RIN2: variants seen among roughly 807,000 people sequenced by gnomAD.
RIN2 encodes RAB5 interacting protein 2.
A neutral mutation model predicts 78.0 loss-of-function variants in RIN2; 36 were observed. That is an observed-to-expected ratio of 0.46 (90% CI 0.35 to 0.61). The LOEUF (loss-of-function observed/expected upper bound fraction) is 0.61. Ranked by LOEUF, RIN2 falls within the 20% of genes least tolerant of loss-of-function variation. The pLI, the probability that RIN2 is intolerant of heterozygous loss-of-function variation, is 0.00. For synonymous variants in RIN2, 466 were observed against 466.8 expected, an observed-to-expected ratio of 1.00 and a Z score of 0.02; for missense variants, 1,087 against 1,159.7, an observed-to-expected ratio of 0.94 and a Z score of 0.91.
At chr20:19,836,669 G>T (rs925280094) in intron 2 of RIN2, among the ~76,000 whole-genome samples, 1 of 151,468 alleles carries the variant, frequency 6.6e-6, no homozygotes, top group Admixed American at 6.6e-5. Context: ...AATTTTGAAC[G>T]GCTCTTATGT....
At chr20:19,836,109 G>A (rs1171817721) in intron 2 of RIN2, among the ~76,000 whole-genome samples, 2 of 152,180 alleles carry the variant, frequency 1.3e-5, no homozygotes, top group African/African-American at 4.8e-5. Flanking sequence ...CAGAGCAGTG[G>A]TCTGAGCTCA....
In RIN2 at chr20:19,965,073, G is replaced by T. The variant is rs544585908; in HGVS notation, c.536+49G>T. 2.5e-5 allele frequency: 37 copies of T among 1,473,102 alleles called. No individual in the cohort carries two copies. In the African/African-American group the frequency reaches 4.3e-4, roughly 17 times the overall value. 91.3% of individuals were successfully genotyped at this position (1,473,102 alleles called of 1,614,324 possible). On this transcript the variant is annotated intron_variant, in intron 7 of 12. Transcript: ENST00000255006. The stretch of plus-strand genomic sequence containing the variant: ...GTTTCAAGGCCCTGTTTGGTGTGTG[G>T]GATATAATTAACCTGAGGTTTCTTG...
intron 1 of RIN2, among the ~76,000 whole-genome samples, chr20:19,795,700 A>G (rs1468563769): frequency 6.6e-6 from 1 of 152,184 alleles, no homozygotes; most frequent in Non-Finnish European, 1.5e-5. Context: ...TTAGAGTGCC[A>G]TTGTGTCAAA....
At chr20:19,841,718 C>T (rs1229732526) in intron 2 of RIN2, among the ~76,000 whole-genome samples, 1 of 152,160 alleles carries the variant, frequency 6.6e-6, no homozygotes, top group Non-Finnish European at 1.5e-5. Flanking sequence ...GCCCTTGTAC[C>T]TACTCTGTGC....
intron 3 of RIN2, among the ~76,000 whole-genome samples, chr20:19,913,544 A>G (rs749464747): frequency 6.6e-6 from 1 of 152,220 alleles, no homozygotes; most frequent in Admixed American, 6.5e-5. Context: ...AACTCCTTTC[A>G]TCTTGCAGAA....
At chr20:19,858,955 A>G (rs1472562883) in intron 2 of RIN2, among the ~76,000 whole-genome samples, 3 of 152,228 alleles carry the variant, frequency 2.0e-5, no homozygotes, top group African/African-American at 7.2e-5. Flanking sequence ...GGTGGAGGAC[A>G]GAATACATTT....
chr20:19,952,307 C>T (rs1454172821), intron 4 of RIN2, among the ~76,000 whole-genome samples: 2 of 152,184 alleles, frequency 1.3e-5, no homozygotes, highest in East Asian at 3.9e-4. Flanking sequence ...CCACAGCCAA[C>T]ACTCGCAGCA....
At chr20:19,958,994 C>G (rs1353153159) in intron 5 of RIN2, among the ~76,000 whole-genome samples, 1 of 152,150 alleles carries the variant, frequency 6.6e-6, no homozygotes, top group African/African-American at 2.4e-5. Context: ...GGGTGCCCAT[C>G]CTTAATTATT....
chr20:19,994,629 C>T (rs992568646), intron 11 of RIN2, among the ~76,000 whole-genome samples: 1 of 152,120 alleles, frequency 6.6e-6, no homozygotes, highest in African/African-American at 2.4e-5. Context: ...AAAGGAGCCC[C>T]CCTCCACCCC....
At chr20:19,790,632 A>G (rs68027979) in intron 1 of RIN2, among the ~76,000 whole-genome samples, 14,955 of 152,080 alleles carry the variant, frequency 0.098, 818 homozygotes, top group South Asian at 0.18. Flanking sequence ...CCAGCAGTAA[A>G]AAAATTAATA....
At chr20:19,936,227 G>A (rs924360439) in intron 4 of RIN2, among the ~76,000 whole-genome samples, 2 of 152,136 alleles carry the variant, frequency 1.3e-5, no homozygotes, top group East Asian at 1.9e-4. Flanking sequence ...TCTACAAAAC[G>A]ATGGGGGTGA....
intron 2 of RIN2, among the ~76,000 whole-genome samples, chr20:19,870,602 G>A (rs1044945909): frequency 6.6e-5 from 10 of 152,124 alleles, no homozygotes; most frequent in Admixed American, 2.0e-4. Flanking sequence ...AGCCAAGATC[G>A]CACCACTGCA....
At chr20:19,922,756 C>T (rs1178388434) in intron 3 of RIN2, among the ~76,000 whole-genome samples, 1 of 152,210 alleles carries the variant, frequency 6.6e-6, no homozygotes, top group Non-Finnish European at 1.5e-5. Context: ...CTCCTGCTCC[C>T]AGGAAGCGCC....
chr20:19,913,563 C>G (rs1005169005), intron 3 of RIN2, among the ~76,000 whole-genome samples: 4 of 152,218 alleles, frequency 2.6e-5, no homozygotes, highest in African/African-American at 9.7e-5. Flanking sequence ...AATTGAAACT[C>G]TATCTATTAA....
chr20:19,920,291 G>A (rs1381259923), intron 3 of RIN2, among the ~76,000 whole-genome samples: 100 of 126,078 alleles, frequency 7.9e-4, no homozygotes, highest in African/African-American at 3.1e-3. Flanking sequence ...GCGAGACTCT[G>A]TCTCAAAAAA....
At chr20:19,832,186 C>T (rs2036269716) in intron 2 of RIN2, among the ~76,000 whole-genome samples, 1 of 151,416 alleles carries the variant, frequency 6.6e-6, no homozygotes, top group Admixed American at 6.6e-5. Flanking sequence ...TGGCTGAGCC[C>T]AGTGGGGATA....
chr20:20,000,711 C>T lies in RIN2; in HGVS notation c.2463C>T (p.Ile821=). ...TCACCACTGAGGATGTGTGTCAGAT[C>T]TGCGCTGAGAAGTTCAAGGTGGGGG... ...PYITTEDVCQ[I]CAEKFKVGDP... Residue 821 remains isoleucine, a synonymous_variant, in exon 13 of 13, where the codon ATC becomes ATT. Coordinates refer to ENST00000255006, the MANE Select transcript of RIN2 (RefSeq NM_018993.4). The T allele has an allele frequency of 6.2e-7, 1 of 1,613,980 alleles. No homozygotes were observed. The highest frequency in any genetic ancestry group is 2.2e-5 in the East Asian group (1 of 44,894).
At chr20:19,801,618 GCAT>G (rs988890671) in intron 2 of RIN2, among the ~76,000 whole-genome samples, 4 of 152,194 alleles carry the variant, frequency 2.6e-5, no homozygotes, top group Non-Finnish European at 5.9e-5. Flanking sequence ...ACCGCGCCCG[GCAT>G]CATTATGCGA....
At chr20:19,804,997 T>C (rs2035360385) in intron 2 of RIN2, among the ~76,000 whole-genome samples, 1 of 152,202 alleles carries the variant, frequency 6.6e-6, no homozygotes, top group Non-Finnish European at 1.5e-5. Context: ...AATTTATCCA[T>C]TTCTGCTAGA....
Sources: allele counts gnomAD v4.1 joint callset (sites outside exome capture counted in the v4.1 genomes callset), GRCh38; gene constraint gnomAD v4.1.1; transcripts MANE v1.5; gene names NCBI Gene and HGNC (gene_info 2026-07-23, HGNC 2026-07-21).